Variants in CCDC178 observed in about 807,000 individuals in gnomAD.
CCDC178 encodes coiled-coil domain containing 178.
A neutral mutation model predicts 117.4 loss-of-function variants in CCDC178; 126 were observed. The observed-to-expected ratio is 1.07, with a 90% CI of 0.93 to 1.24. CCDC178 has a LOEUF of 1.24. CCDC178 is among the 50% of genes most tolerant of loss of function. CCDC178 has a pLI of 0.00. For synonymous variants in CCDC178, 283 were observed against 313.4 expected (o/e 0.90, Z 1.02); for missense variants, 1,030 against 986.9 (o/e 1.04, Z -0.59).
chr18:32,961,821 G>A (rs2054710414), intron 22 of CCDC178, among the ~76,000 whole-genome samples: 1 of 152,042 alleles, frequency 6.6e-6, no homozygotes, highest in African/African-American at 2.4e-5. Context: ...AATAGGCCAT[G>A]GACTTGTACC....
intron 20 of CCDC178, among the ~76,000 whole-genome samples, chr18:33,148,536 G>A (rs2058301897): frequency 6.6e-6 from 1 of 151,810 alleles, no homozygotes; most frequent in East Asian, 1.9e-4. Context: ...AAGGCTTGGG[G>A]AATCTTTGTA....
At chr18:33,037,779 C>T (rs1405061370) in intron 21 of CCDC178, among the ~76,000 whole-genome samples, 10 of 152,000 alleles carry the variant, frequency 6.6e-5, no homozygotes, top group East Asian at 5.8e-4. Flanking sequence ...ACTACACTAG[C>T]TCATTCATAA....
intron 20 of CCDC178, among the ~76,000 whole-genome samples, chr18:33,179,967 C>T (rs978549155): frequency 7.9e-5 from 12 of 151,954 alleles, no homozygotes; most frequent in Admixed American, 7.9e-4. Flanking sequence ...ATATATTACG[C>T]TGCAAATATC....
chr18:33,116,641 T>C (rs1453402683), intron 20 of CCDC178, among the ~76,000 whole-genome samples: 3 of 151,926 alleles, frequency 2.0e-5, no homozygotes, highest in Admixed American at 6.6e-5. Context: ...ATGACTGAGG[T>C]TCCTGTTTTC....
intron 11 of CCDC178, among the ~76,000 whole-genome samples, chr18:33,308,760 C>T (rs2062294019): frequency 1.3e-5 from 2 of 152,152 alleles, no homozygotes; most frequent in South Asian, 4.1e-4. Flanking sequence ...TAAGCTCTCA[C>T]AAGATCTAAT....
chr18:33,004,594 C>A (rs1382318507), intron 21 of CCDC178, among the ~76,000 whole-genome samples: 1 of 152,002 alleles, frequency 6.6e-6, no homozygotes, highest in Non-Finnish European at 1.5e-5. Context: ...AGCACATAGG[C>A]AACCAAATCA....
At chr18:32,991,841 G>C (rs1043723104) in intron 21 of CCDC178, among the ~76,000 whole-genome samples, 3 of 152,092 alleles carry the variant, frequency 2.0e-5, no homozygotes, top group African/African-American at 7.2e-5. Context: ...ATATTTTAAT[G>C]CTCCTGAAGA....
intron 21 of CCDC178, 27 bp downstream of exon 21, chr18:33,092,734 C>T (rs758634629): frequency 2.0e-6 from 3 of 1,505,672 alleles, no homozygotes; most frequent in African/African-American, 1.4e-5. Context: ...TAAATCATCA[C>T]CTTAAAACAA....
intron 11 of CCDC178, among the ~76,000 whole-genome samples, chr18:33,309,179 GTTTT>G (rs1429227864): frequency 1.6e-5 from 1 of 62,284 alleles, no homozygotes; most frequent in Non-Finnish European, 3.2e-5. Context: ...TAAGCTTTGT[GTTTT>G]TTGACAAAAA....
chr18:33,192,661 G>A (rs1160956210), intron 20 of CCDC178, among the ~76,000 whole-genome samples: 1 of 152,078 alleles, frequency 6.6e-6, no homozygotes. Context: ...AGCACTTTGC[G>A]AGGCCGAGGT....
At chr18:33,109,690 TTATAATCATATAATTACAA>T (rs1437276504) in intron 20 of CCDC178, among the ~76,000 whole-genome samples, 4 of 151,734 alleles carry the variant, frequency 2.6e-5, no homozygotes, top group Non-Finnish European at 5.9e-5. Context: ...TGGCTGTTTT[TTATAATCATATAATTACAA>T]TATAGTACCA....
chr18:33,094,628 T>C (rs1475395078), intron 20 of CCDC178, among the ~76,000 whole-genome samples: 4 of 151,940 alleles, frequency 2.6e-5, no homozygotes, highest in Non-Finnish European at 1.5e-5. Context: ...ATTTTACCAA[T>C]TTAATGGAAC....
At chr18:33,092,633 C>T (rs1038534455) in intron 21 of CCDC178, 128 bp downstream of exon 21, 22 of 542,014 alleles carry the variant, frequency 4.1e-5, no homozygotes, top group Non-Finnish European at 5.9e-5. Context: ...AACAAAACTA[C>T]ACAGAGAAAA....
chr18:33,293,330 GT>G lies in CCDC178; in HGVS notation c.1023-19del. The G allele has an allele frequency of 1.4e-6, 2 of 1,416,006 alleles. No individual in the cohort carries two copies. The highest frequency in any genetic ancestry group is 1.9e-6 in the Non-Finnish European group (2 of 1,027,706). 87.7% of individuals were successfully genotyped at this position (1,416,006 alleles called of 1,614,324 possible). ...TCTCTCTCCTAGGGATAAAAACACA[GT>G]TTATTTTATTCACATTAAAAGAAAA... is the stretch of plus-strand genomic sequence containing the variant. On this transcript the variant is annotated intron_variant, in intron 11 of 22. Coordinates refer to ENST00000383096, the MANE Select transcript of CCDC178 (RefSeq NM_001105528.4).
chr18:33,284,533 G>T lies in CCDC178; in HGVS notation c.1176+8626C>A, dbSNP rs146832678. Among the ~76,000 whole-genome samples, 3 of 152,084 alleles carry T rather than the reference G, an allele frequency of 2.0e-5. No homozygotes were observed. The East Asian group carries it at 5.8e-4, about 29-fold the overall frequency. On this transcript the variant is annotated intron_variant, in intron 12 of 22. Transcript: ENST00000383096. Reference sequence around the variant, plus strand: ...TATCATTATTCATATATATTACAAGGCCTGTGTGTTTATATACAAAAAAAA... The same window carrying T: ...TATCATTATTCATATATATTACAAGTCCTGTGTGTTTATATACAAAAAAAA...
intron 21 of CCDC178, among the ~76,000 whole-genome samples, chr18:33,065,734 C>T (rs1408825923): frequency 6.6e-6 from 1 of 152,080 alleles, no homozygotes. Flanking sequence ...ATCAGACCAA[C>T]AGCAAATTTT....
intron 21 of CCDC178, among the ~76,000 whole-genome samples, chr18:33,024,443 T>C (rs969011083): frequency 1.3e-5 from 2 of 152,062 alleles, no homozygotes; most frequent in Admixed American, 1.3e-4. Context: ...TTTCCTCTTA[T>C]AAGGACACCA....
At chr18:32,958,285 C>A in intron 22 of CCDC178, 2 of 431,498 alleles carry the variant, frequency 4.6e-6, no homozygotes, top group Non-Finnish European at 8.6e-6. Context: ...AAAAAATGCT[C>A]TTGCAAGTTT....
At position 33,068,880 on chromosome 18, in the gene CCDC178, G is replaced by A. The variant is rs117485687; in HGVS notation, c.2388+23881C>T. On this transcript the variant is annotated intron_variant, in intron 21 of 22. Transcript: ENST00000383096. ...AAATTGAAAAAGAGAAAGACAAATT[G>A]TTATGCTTTGCAGATGACATGATCC... 5.8e-4 allele frequency among the ~76,000 whole-genome samples: 88 copies of A among 152,192 alleles called. 2 individuals carry two copies. In the East Asian group the frequency reaches 0.011, roughly 18 times the overall value.
Sources: allele counts gnomAD v4.1 joint callset (sites outside exome capture counted in the v4.1 genomes callset), GRCh38; gene constraint gnomAD v4.1.1; transcripts MANE v1.5; gene names NCBI Gene and HGNC (gene_info 2026-07-23, HGNC 2026-07-21).